GPATCH2: variants seen among roughly 807,000 people sequenced by gnomAD.
GPATCH2 encodes G-patch domain containing 2, also known as G patch domain-containing protein 2.
GPATCH2 carries 51 observed loss-of-function variants against 58.0 expected under a neutral mutation model. The ratio of observed to expected loss-of-function variants is 0.88; its 90% CI spans 0.70 to 1.11. The LOEUF is 1.11. GPATCH2 is among the 50% of genes most tolerant of loss of function. The pLI is 0.00. For synonymous variants in GPATCH2, 222 were observed against 218.5 expected (o/e 1.02, Z -0.14); for missense variants, 625 against 652.2 (o/e 0.96, Z 0.45).
intron 5 of GPATCH2, among the ~76,000 whole-genome samples, chr1:217,532,568 A>G (rs937177179): frequency 6.6e-6 from 1 of 152,188 alleles, no homozygotes; most frequent in Non-Finnish European, 1.5e-5. Flanking sequence ...GAATAAAACA[A>G]ACAGACAAGA....
intron 8 of GPATCH2, among the ~76,000 whole-genome samples, chr1:217,465,942 G>A (rs1418721580): frequency 6.6e-6 from 1 of 152,160 alleles, no homozygotes; most frequent in Non-Finnish European, 1.5e-5. Flanking sequence ...TCACTTTTAT[G>A]TCTAAGAAAA....
chr1:217,563,706 T>C (rs556642362), intron 5 of GPATCH2, among the ~76,000 whole-genome samples: 3 of 152,270 alleles, frequency 2.0e-5, no homozygotes, highest in South Asian at 4.1e-4. Context: ...TATCTCTAAC[T>C]ACAGTTATAT....
intron 5 of GPATCH2, among the ~76,000 whole-genome samples, chr1:217,556,191 T>C (rs1008174015): frequency 2.0e-5 from 3 of 152,188 alleles, no homozygotes; most frequent in African/African-American, 4.8e-5. Flanking sequence ...CTCTGAAATA[T>C]AGCTTGTACA....
In GPATCH2 at chr1:217,525,822, A is replaced by G. The variant is rs775949961; in HGVS notation, c.1099-10933T>C. 6.6e-4 allele frequency among the ~76,000 whole-genome samples: 100 copies of G among 152,136 alleles called. 1 individual carries two copies. Among genetic ancestry groups the G allele is most frequent in the Middle Eastern group, 6.8e-3 (2 of 294 alleles). ...AACAAATTATTAATATAGCTTTTTG[A>G]AAAAAATTCTACATGCACATTTTAA... On this transcript the variant is annotated intron_variant, in intron 5 of 9. Coordinates refer to ENST00000366935, the MANE Select transcript of GPATCH2 (RefSeq NM_018040.5).
In GPATCH2 at chr1:217,617,646, A is replaced by G. The variant is rs141507472; in HGVS notation, c.773+2137T>C. Among the ~76,000 whole-genome samples, 1,126 of 152,298 alleles carry G rather than the reference A, an allele frequency of 7.4e-3. 15 individuals are homozygous for G. The highest frequency in any genetic ancestry group is 9.1e-3 in the Non-Finnish European group (618 of 68,022). On this transcript the variant is annotated intron_variant, in intron 2 of 9. Coordinates refer to ENST00000366935, the MANE Select transcript of GPATCH2 (RefSeq NM_018040.5). The stretch of plus-strand genomic sequence containing the variant: ...TGGAAGTAGTCTTGAAAACGCTTAT[A>G]CTTGTTACCAAAATACCTTAAATAT...
intron 5 of GPATCH2, among the ~76,000 whole-genome samples, chr1:217,549,122 A>G (rs868121721): frequency 1.3e-5 from 2 of 152,104 alleles, no homozygotes; most frequent in African/African-American, 4.8e-5. Context: ...ATTCTTTTCA[A>G]AATAGTTAAG....
chr1:217,450,079 G>T lies in GPATCH2; in HGVS notation c.1278-742C>A, dbSNP rs761088609. ...AGTTATATAAAAAAATAAGAAATGG[G>T]CCAGTTAGAAATCAAGACGAATACA... On this transcript the variant is annotated intron_variant, in intron 8 of 9. Coordinates refer to ENST00000366935, the MANE Select transcript of GPATCH2 (RefSeq NM_018040.5). 3.3e-5 allele frequency among the ~76,000 whole-genome samples: 5 copies of T among 151,978 alleles called. 1 individual carries two copies. The highest frequency in any genetic ancestry group is 7.4e-5 in the Non-Finnish European group (5 of 67,990).
In GPATCH2 at chr1:217,509,689, C is replaced by T. The variant is rs565384886; in HGVS notation, c.1166+5133G>A. ...CCTTCTGAATGCTTTCCATCACTAG[C>T]CAGCAGTAGAACTTGATAATCTTGA... is the stretch of plus-strand genomic sequence containing the variant. On this transcript the variant is annotated intron_variant, in intron 6 of 9. Transcript: ENST00000366935. 1.2e-3 allele frequency among the ~76,000 whole-genome samples: 177 copies of T among 152,222 alleles called. 1 individual carries two copies. The highest frequency in any genetic ancestry group is 0.01 in the Middle Eastern group (3 of 294).
At chr1:217,447,130 T>G (rs1659428087) in intron 9 of GPATCH2, among the ~76,000 whole-genome samples, 1 of 152,192 alleles carries the variant, frequency 6.6e-6, no homozygotes, top group Admixed American at 6.5e-5. Flanking sequence ...AGATCTGAAT[T>G]GCAAGACTGA....
Position 217,610,352 on chromosome 1 carries a change from A to T in GPATCH2, c.1067T>A (p.Ile356Asn). Residue 356 changes from isoleucine (I) to asparagine (N), a missense_variant, in exon 5 of 10, where the codon ATT becomes AAT. Physicochemically the swap from Ile to Asn is moderately radical, Grantham distance 149. Coordinates refer to ENST00000366935, the MANE Select transcript of GPATCH2 (RefSeq NM_018040.5). ...SRLHGMSSKN[I>N]KKSGGTPTSM... The stretch of plus-strand genomic sequence containing the variant: ...AGTTGGAGTCCCTCCAGATTTTTTA[A>T]TATTCTTTGAAGACATTCCATGAAG... The T allele has an allele frequency of 6.2e-7, 1 of 1,604,122 alleles. No individual in the cohort carries two copies.
intron 5 of GPATCH2, among the ~76,000 whole-genome samples, chr1:217,571,360 CTAAATGT>C (rs1157758795): frequency 6.6e-6 from 1 of 152,026 alleles, no homozygotes; most frequent in African/African-American, 2.4e-5. Context: ...AGCCTAAATG[CTAAATGT>C]GATATAATAA....
chr1:217,447,013 C>T (rs1026801401), intron 9 of GPATCH2, among the ~76,000 whole-genome samples: 3 of 152,060 alleles, frequency 2.0e-5, no homozygotes, highest in African/African-American at 4.8e-5. Flanking sequence ...TAAGATTGTT[C>T]TTGTACTGTT....
At position 217,436,058 on chromosome 1, in the gene GPATCH2, T is replaced by C. The variant is rs574570138; in HGVS notation, c.1367-4693A>G. Among the ~76,000 whole-genome samples, 8 of 152,216 alleles carry C rather than the reference T, an allele frequency of 5.3e-5. No individual in the cohort carries two copies. In the South Asian group the frequency reaches 1.2e-3, roughly 24 times the overall value. ...TTTTCCTTAAGGGATAAAAACTTTG[T>C]AAAGAATAAAAGACATGATCTGTTA... is the stretch of plus-strand genomic sequence containing the variant. On this transcript the variant is annotated intron_variant, in intron 9 of 9. Transcript: ENST00000366935.
chr1:217,546,816 G>A (rs1477535755), intron 5 of GPATCH2, among the ~76,000 whole-genome samples: 1 of 152,148 alleles, frequency 6.6e-6, no homozygotes, highest in Non-Finnish European at 1.5e-5. Flanking sequence ...CCTACAGAAT[G>A]TGACAAAATT....
chr1:217,498,361 C>G lies in GPATCH2; in HGVS notation c.1201G>C (p.Asp401His), dbSNP rs1174721615. Residue 401 changes from aspartate (D) to histidine (H), a missense_variant, in exon 7 of 10, where the codon GAC (aspartate) becomes CAC (histidine). Transcript: ENST00000366935. ...WFSPGARTEH[D>H]QHQLLRDNRA... ...TGGATTACAATGGTCCTTACCTGGTCATGCTCTGTCCTAGCCCCAGGGCTA... is the reference window on the plus strand; with the variant it reads ...TGGATTACAATGGTCCTTACCTGGTGATGCTCTGTCCTAGCCCCAGGGCTA... The G allele has an allele frequency of 3.1e-6, 5 of 1,612,064 alleles. No homozygotes were observed. Among genetic ancestry groups the G allele is most frequent in the Non-Finnish European group, 4.2e-6 (5 of 1,178,222 alleles).
chr1:217,545,973 T>C (rs1472233143), intron 5 of GPATCH2, among the ~76,000 whole-genome samples: 1 of 152,166 alleles, frequency 6.6e-6, no homozygotes, highest in African/African-American at 2.4e-5. Flanking sequence ...GAACTGTGGG[T>C]TTGAATATCT....
At chr1:217,477,913 C>G (rs1275560055) in intron 8 of GPATCH2, among the ~76,000 whole-genome samples, 1 of 152,116 alleles carries the variant, frequency 6.6e-6, no homozygotes, top group Non-Finnish European at 1.5e-5. Context: ...CAAGGAGATG[C>G]TTGTGTCACT....
chr1:217,464,057 C>T (rs1368506380), intron 8 of GPATCH2, among the ~76,000 whole-genome samples: 3 of 152,164 alleles, frequency 2.0e-5, no homozygotes, highest in East Asian at 3.9e-4. Context: ...AAATTAAACC[C>T]TGACCACTTA....
At chr1:217,449,959 T>C (rs1305488323) in intron 8 of GPATCH2, among the ~76,000 whole-genome samples, 1 of 152,174 alleles carries the variant, frequency 6.6e-6, no homozygotes, top group Non-Finnish European at 1.5e-5. Flanking sequence ...AAAAACATGA[T>C]ATATAAAAAC....
Sources: gnomAD v4.1 joint callset for allele counts (sites outside exome capture counted in the v4.1 genomes callset) on GRCh38, gnomAD v4.1.1 for gene constraint, MANE v1.5 for transcripts, NCBI Gene and HGNC (gene_info 2026-07-23, HGNC 2026-07-21) for gene names.